CDK14: variants seen among roughly 807,000 people sequenced by gnomAD.
The protein encoded by CDK14 is cyclin dependent kinase 14, also known as cyclin-dependent kinase 14.
In CDK14, 34 loss-of-function variants were observed where a neutral mutation model predicts 60.7. The observed-to-expected ratio is 0.56, with a 90% CI of 0.43 to 0.75. CDK14 has a LOEUF of 0.75. Ranked by LOEUF, CDK14 falls within the 30% of genes least tolerant of loss-of-function variation. CDK14 has a pLI of 0.00. For synonymous variants in CDK14, 197 were observed against 203.7 expected (o/e 0.97, Z 0.28); for missense variants, 482 against 564.1 (o/e 0.85, Z 1.47).
chr7:90,744,677 C>A (rs1235974242), intron 3 of CDK14, among the ~76,000 whole-genome samples: 1 of 148,276 alleles, frequency 6.7e-6, no homozygotes, highest in Non-Finnish European at 1.5e-5. Context: ...GGGCGGCTGG[C>A]CGGGCAGAGG....
chr7:90,887,641 A>G (rs1791989515), intron 6 of CDK14, among the ~76,000 whole-genome samples: 4 of 152,196 alleles, frequency 2.6e-5, no homozygotes, highest in African/African-American at 7.2e-5. Flanking sequence ...CCCATAAGTA[A>G]TCAGATATTC....
intron 2 of CDK14, among the ~76,000 whole-genome samples, chr7:90,640,171 G>C (rs1231377155): frequency 6.6e-6 from 1 of 151,928 alleles, no homozygotes; most frequent in Non-Finnish European, 1.5e-5. Flanking sequence ...TATGAACCCG[G>C]TACCTCAGAT....
intron 5 of CDK14, among the ~76,000 whole-genome samples, chr7:90,858,332 C>T (rs1312105161): frequency 6.6e-6 from 1 of 152,002 alleles, no homozygotes; most frequent in Non-Finnish European, 1.5e-5. Flanking sequence ...AAGTGAGAAA[C>T]AATTTAGGTG....
intron 9 of CDK14, chr7:90,979,590 A>G (rs1795174077): frequency 1.3e-5 from 2 of 152,244 alleles, no homozygotes; most frequent in Admixed American, 1.3e-4. Context: ...TCCCAAAATT[A>G]ACAACAGTCC....
chr7:91,118,565 T>A (rs1799683270), intron 14 of CDK14, among the ~76,000 whole-genome samples: 1 of 152,264 alleles, frequency 6.6e-6, no homozygotes, highest in Admixed American at 6.5e-5. Flanking sequence ...GCAATTTTTC[T>A]AATTAGTTGT....
intron 10 of CDK14, among the ~76,000 whole-genome samples, chr7:91,031,768 G>A (rs1796767035): frequency 6.6e-6 from 1 of 152,158 alleles, no homozygotes; most frequent in African/African-American, 2.4e-5. Context: ...CATTTTCCAG[G>A]ATGAAATAAG....
At chr7:90,686,391 A>G (rs1028690745) in intron 2 of CDK14, among the ~76,000 whole-genome samples, 1 of 152,196 alleles carries the variant, frequency 6.6e-6, no homozygotes, top group Non-Finnish European at 1.5e-5. Flanking sequence ...GATCATTACC[A>G]TGTCAGCTGC....
intron 6 of CDK14, among the ~76,000 whole-genome samples, chr7:90,874,051 C>T (rs1423103952): frequency 6.6e-6 from 1 of 152,054 alleles, no homozygotes; most frequent in East Asian, 1.9e-4. Context: ...TTCTGTTTTT[C>T]ATTTCTGTTA....
At chr7:91,088,554 A>G (rs775921313) in intron 12 of CDK14, among the ~76,000 whole-genome samples, 1 of 146,938 alleles carries the variant, frequency 6.8e-6, no homozygotes, top group Non-Finnish European at 1.5e-5. Flanking sequence ...TGGAAGTCTC[A>G]TAGAGTTTAT....
rs1315314272 is a variant in CDK14 at position 91,009,072 on chromosome 7, T to G, written c.1041+24831T>G. Among the ~76,000 whole-genome samples the G allele has an allele frequency of 2.0e-5, 3 of 152,188 alleles. No homozygotes were observed. In the East Asian group the frequency reaches 5.8e-4, roughly 29 times the overall value. Reference sequence around the variant, plus strand: ...TGATCTGTCTGCTGTCACTGTAGATTAGTTTGCATTTTCTTAAATTTTGTA... The same window carrying G: ...TGATCTGTCTGCTGTCACTGTAGATGAGTTTGCATTTTCTTAAATTTTGTA... On this transcript the variant is annotated intron_variant, in intron 10 of 14. Transcript: ENST00000380050.
intron 5 of CDK14, among the ~76,000 whole-genome samples, chr7:90,791,347 A>C (rs1162038198): frequency 6.6e-6 from 1 of 152,102 alleles, no homozygotes; most frequent in East Asian, 1.9e-4. Context: ...CAGTTTAATA[A>C]GTTTTAGGAT....
At chr7:90,641,306 G>A (rs1395406032) in intron 2 of CDK14, among the ~76,000 whole-genome samples, 3 of 151,918 alleles carry the variant, frequency 2.0e-5, no homozygotes, top group African/African-American at 2.4e-5. Flanking sequence ...AAAACGTGTC[G>A]ACACAGAAAC....
chr7:90,810,406 T>C lies in CDK14; in HGVS notation c.544+19754T>C, dbSNP rs564720820. 9.8e-5 allele frequency among the ~76,000 whole-genome samples: 15 copies of C among 152,308 alleles called. No individual in the cohort carries two copies. The East Asian group carries it at 2.9e-3, about 29-fold the overall frequency. ...TCTGAATAGATGTGGAAAAGACCTT[T>C]GACAAAATTCAACAACCCTTCATGC... is the stretch of plus-strand genomic sequence containing the variant. On this transcript the variant is annotated intron_variant, in intron 5 of 14. Coordinates refer to ENST00000380050, the MANE Select transcript of CDK14 (RefSeq NM_001287135.2).
At chr7:90,932,009 A>G (rs1290807525) in intron 8 of CDK14, among the ~76,000 whole-genome samples, 1 of 152,234 alleles carries the variant, frequency 6.6e-6, no homozygotes. Flanking sequence ...TAGGGAAGCA[A>G]CAAAACTTTT....
intron 9 of CDK14, among the ~76,000 whole-genome samples, chr7:90,980,069 A>G (rs1795189811): frequency 6.6e-6 from 1 of 152,104 alleles, no homozygotes; most frequent in South Asian, 2.1e-4. Flanking sequence ...ACAAATTGTC[A>G]ATTCTGCTTA....
In CDK14 at chr7:90,738,963, A is replaced by G. The variant is rs1803240187; in HGVS notation, c.370-8718A>G. Among the ~76,000 whole-genome samples the G allele has an allele frequency of 2.0e-5, 3 of 150,598 alleles. No homozygotes were observed. The South Asian group carries it at 6.3e-4, about 32-fold the overall frequency. On this transcript the variant is annotated intron_variant, in intron 3 of 14. Transcript: ENST00000380050. Reference sequence around the variant, plus strand: ...ACCTCTTTAAATATTTGGCATTTGGATTCTTTATTTATGTGTACAGTAATT... The same window carrying G: ...ACCTCTTTAAATATTTGGCATTTGGGTTCTTTATTTATGTGTACAGTAATT...
chr7:90,994,896 C>T (rs1282994337), intron 10 of CDK14, among the ~76,000 whole-genome samples: 5 of 152,168 alleles, frequency 3.3e-5, no homozygotes, highest in Non-Finnish European at 5.9e-5. Context: ...CTCCATAAAG[C>T]GTGTTTTCAT....
chr7:90,637,981 T>G (rs547665112), intron 2 of CDK14, among the ~76,000 whole-genome samples: 6 of 134,448 alleles, frequency 4.5e-5, no homozygotes, highest in East Asian at 7.1e-4. Flanking sequence ...GTTTTCCATT[T>G]GCTTGGTAGA....
chr7:90,972,285 C>A (rs889637647), intron 9 of CDK14, among the ~76,000 whole-genome samples: 1 of 152,134 alleles, frequency 6.6e-6, no homozygotes, highest in Non-Finnish European at 1.5e-5. Flanking sequence ...TGATGAGTGG[C>A]AGTTTAATCA....
Sources: allele counts gnomAD v4.1 joint callset (sites outside exome capture counted in the v4.1 genomes callset), GRCh38; gene constraint gnomAD v4.1.1; transcripts MANE v1.5; gene names NCBI Gene and HGNC (gene_info 2026-07-23, HGNC 2026-07-21).